Variants in LINGO2 observed in about 807,000 individuals in gnomAD.
The protein encoded by LINGO2 is leucine-rich repeat and immunoglobulin-like domain-containing nogo receptor-interacting protein 2.
In LINGO2, 14 loss-of-function variants were observed where a neutral mutation model predicts 30.6. That is an observed-to-expected ratio of 0.46 (90% CI 0.30 to 0.72). The LOEUF is 0.72. Among genes scored for constraint, LINGO2 ranks in the 30% least tolerant of loss-of-function variants. The pLI is 0.07. For missense variants in LINGO2, 729 were observed against 751.7 expected, an observed-to-expected ratio of 0.97 and a Z score of 0.35; for synonymous variants, 317 against 288.5, an observed-to-expected ratio of 1.10 and a Z score of -1.00.
intron 4 of LINGO2, among the ~76,000 whole-genome samples, chr9:28,105,988 G>A (rs1356388092): frequency 6.6e-6 from 1 of 152,100 alleles, no homozygotes; most frequent in Non-Finnish European, 1.5e-5. Context: ...TGGCTAGCAA[G>A]CATTACCAAC....
intron 1 of LINGO2, among the ~76,000 whole-genome samples, chr9:28,498,605 C>T (rs116298146): frequency 0.026 from 3,895 of 152,200 alleles, 135 homozygotes; most frequent in East Asian, 0.1. Context: ...TTGCGCTTCC[C>T]GGGTAAGGCT....
the LINGO2 span, chr9:28,889,019 T>A: frequency 2.1e-6 from 1 of 468,216 alleles, no homozygotes; most frequent in Non-Finnish European, 4.6e-6. Context: ...CCATTTCAAG[T>A]GAATACAGTA....
chr9:28,327,378 A>G (rs1212461942), intron 3 of LINGO2, among the ~76,000 whole-genome samples: 2 of 152,168 alleles, frequency 1.3e-5, no homozygotes, highest in African/African-American at 4.8e-5. Flanking sequence ...TTAAAATAGG[A>G]ATAAGCTCAA....
the LINGO2 span, among the ~76,000 whole-genome samples, chr9:28,706,230 T>C: frequency 6.6e-6 from 1 of 152,086 alleles, no homozygotes; most frequent in Non-Finnish European, 1.5e-5. Context: ...TTTCAAACAG[T>C]GCATTTAAAG....
intron 4 of LINGO2, among the ~76,000 whole-genome samples, chr9:28,106,518 T>A (rs1826597398): frequency 6.6e-6 from 1 of 152,162 alleles, no homozygotes; most frequent in South Asian, 2.1e-4. Context: ...CATGCCTGAC[T>A]GAGAAATTTA....
At chr9:28,463,869 C>A (rs555371466) in intron 2 of LINGO2, among the ~76,000 whole-genome samples, 1 of 152,140 alleles carries the variant, frequency 6.6e-6, no homozygotes, top group Admixed American at 6.5e-5. Context: ...ATTTAAAGCA[C>A]CTTGTATTCA....
the LINGO2 span, among the ~76,000 whole-genome samples, chr9:28,691,378 A>G: frequency 6.6e-6 from 1 of 152,150 alleles, no homozygotes; most frequent in Non-Finnish European, 1.5e-5. Context: ...AAAACTATTC[A>G]CAGAATGTAG....
chr9:28,510,067 T>C (rs1820308582), intron 1 of LINGO2, among the ~76,000 whole-genome samples: 5 of 152,244 alleles, frequency 3.3e-5, no homozygotes, highest in South Asian at 4.1e-4. Context: ...TATTTTAAGA[T>C]GTTCACTTGT....
At chr9:29,086,983 C>A in the LINGO2 span, among the ~76,000 whole-genome samples, 1 of 150,284 alleles carries the variant, frequency 6.7e-6, no homozygotes, top group Non-Finnish European at 1.5e-5. Context: ...CCGGGCAATT[C>A]TTCTGCCTCA....
At chr9:28,004,286 T>TAA (rs1270069299) in intron 5 of LINGO2, among the ~76,000 whole-genome samples, 46 of 152,294 alleles carry the variant, frequency 3.0e-4, no homozygotes, top group African/African-American at 1.0e-3. Flanking sequence ...TAAATTATAT[T>TAA]ATTTAAATTT....
chr9:28,734,697 T>C, the LINGO2 span, among the ~76,000 whole-genome samples: 1 of 152,290 alleles, frequency 6.6e-6, no homozygotes, highest in African/African-American at 2.4e-5. Flanking sequence ...GCTCCTTCAA[T>C]GAATTTTGAC....
At chr9:28,103,059 A>T (rs943467761) in intron 4 of LINGO2, among the ~76,000 whole-genome samples, 1 of 152,082 alleles carries the variant, frequency 6.6e-6, no homozygotes, top group Non-Finnish European at 1.5e-5. Flanking sequence ...TTCAAAACAT[A>T]CTTATATATA....
At chr9:28,539,129 T>C (rs1424817430) in intron 1 of LINGO2, among the ~76,000 whole-genome samples, 6 of 151,980 alleles carry the variant, frequency 3.9e-5, no homozygotes, top group Admixed American at 2.0e-4. Flanking sequence ...ATTAAAGATA[T>C]AAAAGAAGAT....
the LINGO2 span, among the ~76,000 whole-genome samples, chr9:28,851,200 T>C: frequency 6.6e-6 from 1 of 152,082 alleles, no homozygotes; most frequent in African/African-American, 2.4e-5. Flanking sequence ...TTATTATCAT[T>C]GGGCTAAAAT....
At chr9:28,075,680 C>CTTGT (rs1825602514) in intron 4 of LINGO2, among the ~76,000 whole-genome samples, 1 of 151,758 alleles carries the variant, frequency 6.6e-6, no homozygotes, top group East Asian at 1.9e-4. Flanking sequence ...TTCAATATTT[C>CTTGT]TTGTTCTGCT....
chr9:27,959,085 T>C (rs1406118668), intron 5 of LINGO2, among the ~76,000 whole-genome samples: 1 of 152,190 alleles, frequency 6.6e-6, no homozygotes, highest in African/African-American at 2.4e-5. Flanking sequence ...TGTCATAAAC[T>C]TCCCTTATTA....
At chr9:28,002,482 T>C (rs1822011179) in intron 5 of LINGO2, among the ~76,000 whole-genome samples, 1 of 152,178 alleles carries the variant, frequency 6.6e-6, no homozygotes. Context: ...TTTCTATAAC[T>C]GTTTTCCATT....
intron 4 of LINGO2, among the ~76,000 whole-genome samples, chr9:28,262,968 C>G (rs1181010043): frequency 6.6e-6 from 1 of 151,972 alleles, no homozygotes; most frequent in African/African-American, 2.4e-5. Context: ...CACATTTATT[C>G]CCTATTATTT....
the LINGO2 span, among the ~76,000 whole-genome samples, chr9:28,781,008 A>G: frequency 1.1e-4 from 16 of 152,148 alleles, no homozygotes; most frequent in African/African-American, 2.2e-4. Flanking sequence ...GGTAATACTA[A>G]TAAGATTTTA....
Sources: allele counts gnomAD v4.1 joint callset (sites outside exome capture counted in the v4.1 genomes callset), GRCh38; gene constraint gnomAD v4.1.1; transcripts MANE v1.5; gene names NCBI Gene and HGNC (gene_info 2026-07-23, HGNC 2026-07-21).